The following CAMK1D variants were observed in gnomAD, a reference collection of about 807,000 sequenced individuals.
CAMK1D encodes the protein calcium/calmodulin-dependent protein kinase type 1D.
Under a neutral mutation model 47.7 loss-of-function variants are expected in CAMK1D, and 9 were observed. The observed-to-expected ratio is 0.19, with a 90% CI of 0.11 to 0.33. The LOEUF is 0.33. Ranked by LOEUF, CAMK1D falls within the 10% of genes least tolerant of loss-of-function variation. The pLI, the probability that CAMK1D is intolerant of heterozygous loss-of-function variation, is 1.00. For missense variants in CAMK1D, 291 were observed against 488.7 expected, an observed-to-expected ratio of 0.60 and a Z score of 3.81; for synonymous variants, 184 against 184.9, an observed-to-expected ratio of 0.99 and a Z score of 0.04.
At chr10:12,360,036 C>T (rs17151568) in intron 1 of CAMK1D, among the ~76,000 whole-genome samples, 3,285 of 152,232 alleles carry the variant, frequency 0.022, 114 homozygotes, top group African/African-American at 0.076. Flanking sequence ...CCATTTTAGT[C>T]CCTGTGGAAG....
At chr10:12,704,071 T>C (rs1455944151) in intron 3 of CAMK1D, among the ~76,000 whole-genome samples, 1 of 152,164 alleles carries the variant, frequency 6.6e-6, no homozygotes, top group East Asian at 1.9e-4. Flanking sequence ...TGTGTGTGTG[T>C]GTGTAAATGT....
In CAMK1D at chr10:12,368,049, G is replaced by A. The variant is rs371411254; in HGVS notation, c.92+18139G>A. 8.0e-3 allele frequency among the ~76,000 whole-genome samples: 1,220 copies of A among 152,176 alleles called. 23 individuals carry two copies. Among genetic ancestry groups the A allele is most frequent in the African/African-American group, 0.027 (1,142 of 41,534 alleles). ...CTACTAAAAATACAAAAAATTAGCC[G>A]GGCGCGGTGGCGGGCGCCTGTAGTC... is the stretch of plus-strand genomic sequence containing the variant. On this transcript the variant is annotated intron_variant, in intron 1 of 10. Transcript: ENST00000619168.
chr10:12,397,368 A>C (rs1483745059), intron 1 of CAMK1D, among the ~76,000 whole-genome samples: 1 of 152,100 alleles, frequency 6.6e-6, no homozygotes, highest in African/African-American at 2.4e-5. Context: ...AGCCCTGCTG[A>C]GTCACTAACA....
intron 1 of CAMK1D, among the ~76,000 whole-genome samples, chr10:12,390,832 G>T (rs1363843032): frequency 6.6e-6 from 1 of 152,176 alleles, no homozygotes; most frequent in African/African-American, 2.4e-5. Context: ...TACGGGTCCA[G>T]CTGTCCCCAC....
intron 3 of CAMK1D, among the ~76,000 whole-genome samples, chr10:12,699,317 G>T (rs1369192240): frequency 6.6e-6 from 1 of 152,052 alleles, no homozygotes; most frequent in African/African-American, 2.4e-5. Flanking sequence ...GCTGTGACTC[G>T]ACCTCTTCTA....
At chr10:12,799,724 T>C (rs949665147) in intron 6 of CAMK1D, among the ~76,000 whole-genome samples, 2 of 152,172 alleles carry the variant, frequency 1.3e-5, no homozygotes, top group Non-Finnish European at 2.9e-5. Context: ...TTCCTGCAGA[T>C]GTATTTGGCC....
intron 2 of CAMK1D, among the ~76,000 whole-genome samples, chr10:12,652,525 T>C (rs1840006351): frequency 6.6e-6 from 1 of 151,526 alleles, no homozygotes; most frequent in African/African-American, 2.4e-5. Context: ...GAGGCGGAGC[T>C]TGCAGTGAGC....
intron 1 of CAMK1D, among the ~76,000 whole-genome samples, chr10:12,541,889 T>TCC (rs760116191): frequency 4.9e-5 from 7 of 141,912 alleles, no homozygotes; most frequent in African/African-American, 7.8e-5. Context: ...CTTCCTTCCT[T>TCC]TTTTTTTTTC....
At chr10:12,712,504 G>A (rs1833974324) in intron 3 of CAMK1D, among the ~76,000 whole-genome samples, 1 of 152,204 alleles carries the variant, frequency 6.6e-6, no homozygotes, top group African/African-American at 2.4e-5. Context: ...GAGCAAGGTG[G>A]TGGCTGATTC....
intron 3 of CAMK1D, among the ~76,000 whole-genome samples, chr10:12,754,147 G>A (rs1318652204): frequency 1.3e-5 from 2 of 151,986 alleles, no homozygotes. Flanking sequence ...CACCTCAGCT[G>A]CCCAAAGTGC....
At chr10:12,721,425 T>C (rs1363468422) in intron 3 of CAMK1D, among the ~76,000 whole-genome samples, 1 of 152,178 alleles carries the variant, frequency 6.6e-6, no homozygotes, top group African/African-American at 2.4e-5. Flanking sequence ...AATTTAGCAC[T>C]GTTGGGAGCA....
intron 3 of CAMK1D, among the ~76,000 whole-genome samples, chr10:12,703,818 G>A (rs1407050836): frequency 6.7e-6 from 1 of 149,810 alleles, no homozygotes; most frequent in East Asian, 2.0e-4. Flanking sequence ...GCAGTGAGCC[G>A]AGATCACGCC....
At chr10:12,364,363 C>A (rs1433163804) in intron 1 of CAMK1D, among the ~76,000 whole-genome samples, 1 of 151,102 alleles carries the variant, frequency 6.6e-6, no homozygotes, top group African/African-American at 2.4e-5. Flanking sequence ...TGCCTCGGCG[C>A]CCCTAGTAGC....
chr10:12,404,051 CTT>C (rs796293400), intron 1 of CAMK1D, among the ~76,000 whole-genome samples: 2 of 144,946 alleles, frequency 1.4e-5, no homozygotes. Flanking sequence ...TTTTCTTTTT[CTT>C]TTTTTTTTTG....
intron 4 of CAMK1D, among the ~76,000 whole-genome samples, chr10:12,768,354 A>G (rs934851232): frequency 1.3e-5 from 2 of 152,074 alleles, no homozygotes; most frequent in African/African-American, 4.8e-5. Flanking sequence ...CCTGAGATTT[A>G]TTTTCCTTTC....
At chr10:12,820,478 C>A (rs1212486275) in intron 8 of CAMK1D, among the ~76,000 whole-genome samples, 3 of 152,240 alleles carry the variant, frequency 2.0e-5, no homozygotes, top group Non-Finnish European at 4.4e-5. Context: ...AACACAGATT[C>A]AGGTGAGAGC....
At chr10:12,756,898 G>C (rs1275934753) in intron 3 of CAMK1D, among the ~76,000 whole-genome samples, 3 of 152,238 alleles carry the variant, frequency 2.0e-5, no homozygotes, top group Admixed American at 2.0e-4. Flanking sequence ...ACTCCAGCCT[G>C]GGCGACAGAG....
chr10:12,582,495 C>T (rs558663345), intron 2 of CAMK1D, among the ~76,000 whole-genome samples: 1 of 152,168 alleles, frequency 6.6e-6, no homozygotes, highest in Non-Finnish European at 1.5e-5. Flanking sequence ...TTGATTCTAC[C>T]TATCCATGAG....
At chr10:12,628,771 A>G (rs192038398) in intron 2 of CAMK1D, among the ~76,000 whole-genome samples, 301 of 152,066 alleles carry the variant, frequency 2.0e-3, no homozygotes, top group African/African-American at 7.1e-3. Context: ...CCTGTTTTCC[A>G]CCTGTTCTTC....
Sources: gnomAD v4.1 joint callset for allele counts (sites outside exome capture counted in the v4.1 genomes callset) on GRCh38, gnomAD v4.1.1 for gene constraint, MANE v1.5 for transcripts, NCBI Gene and HGNC (gene_info 2026-07-23, HGNC 2026-07-21) for gene names.